The following TTI1 variants were observed in gnomAD, a reference collection of about 807,000 sequenced individuals.
The protein encoded by TTI1 is TELO2 interacting protein 1.
Under a neutral mutation model 85.4 loss-of-function variants are expected in TTI1, and 52 were observed. The observed-to-expected ratio is 0.61, with a 90% CI of 0.49 to 0.77. The LOEUF (loss-of-function observed/expected upper bound fraction) is 0.77. Among genes scored for constraint, TTI1 ranks in the 30% least tolerant of loss-of-function variants. The pLI is 0.00. For missense variants in TTI1, 1,173 were observed against 1,296.0 expected (o/e 0.91, Z 1.46); for synonymous variants, 512 against 503.9 (o/e 1.02, Z -0.22).
At chr20:38,024,983 C>T (rs528132604) in intron 1 of TTI1, among the ~76,000 whole-genome samples, 38 of 152,264 alleles carry the variant, frequency 2.5e-4, no homozygotes, top group African/African-American at 9.1e-4. Flanking sequence ...GACTGCCACA[C>T]CCACCCAGCA....
chr20:37,999,045 G>T, intron 5 of TTI1, 143 bp downstream of exon 5: 2 of 1,001,698 alleles, frequency 2.0e-6, no homozygotes, highest in Non-Finnish European at 2.6e-6. Flanking sequence ...TTTCTTCTTT[G>T]TGCTTTTCTT....
At chr20:37,985,179 C>T (rs1377643579) in intron 7 of TTI1, among the ~76,000 whole-genome samples, 1 of 152,210 alleles carries the variant, frequency 6.6e-6, no homozygotes, top group African/African-American at 2.4e-5. Flanking sequence ...GTACTTCACT[C>T]AGGGTTTTGC....
chr20:38,012,946 T>C lies in TTI1; in HGVS notation c.871A>G (p.Ile291Val). The change falls in exon 2 of 8, where the codon ATT becomes GTT. Residue 291 changes from isoleucine to valine, a missense_variant. Coordinates refer to ENST00000373447, the MANE Select transcript of TTI1 (RefSeq NM_001303457.2). Reference sequence around the variant, plus strand: ...GAAACACACTCAATTATCTTTTTAATAAGGATAGTCAACTTGTCGCCAGTC... The same window carrying C: ...GAAACACACTCAATTATCTTTTTAACAAGGATAGTCAACTTGTCGCCAGTC... ...KKTGDKLTILIKKIIECVSVH... is the reference protein window; with the variant it reads ...KKTGDKLTILVKKIIECVSVH... 1 of 1,614,204 alleles carries C rather than the reference T, an allele frequency of 6.2e-7. No individual in the cohort carries two copies. The highest frequency in any genetic ancestry group is 1.1e-5 in the South Asian group (1 of 91,084).
At position 38,013,091 on chromosome 20, in the gene TTI1, T is replaced by G. The variant is rs762243769; in HGVS notation, c.726A>C (p.Thr242=). The change falls in exon 2 of 8, where the codon ACA becomes ACC. Residue 242 remains threonine, a synonymous_variant. Transcript: ENST00000373447. ...VVSSLKIFYK[T]VSFIMADEQL... is the part of the protein sequence containing the mutation. ...GTTCATCAGCCATAATGAAGCTCAC[T>G]GTCTTGTAAAAGATCTTTAGGGAAG... 3.1e-6 allele frequency: 5 copies of G among 1,614,104 alleles called. No homozygotes were observed. In the South Asian group the frequency reaches 5.5e-5, roughly 18 times the overall value.
chr20:38,032,535 G>C (rs891790006), intron 1 of TTI1, among the ~76,000 whole-genome samples: 14 of 152,062 alleles, frequency 9.2e-5, no homozygotes, highest in Non-Finnish European at 1.8e-4. Context: ...TTTGATACCT[G>C]GGATTTAAAA....
chr20:38,030,119 AACC>A (rs982371509), intron 1 of TTI1, among the ~76,000 whole-genome samples: 3 of 152,222 alleles, frequency 2.0e-5, no homozygotes, highest in African/African-American at 7.2e-5. Flanking sequence ...CAAAAAACAC[AACC>A]ACAATAGGAA....
At chr20:38,023,900 G>GTA (rs1437079778) in intron 1 of TTI1, among the ~76,000 whole-genome samples, 1 of 152,184 alleles carries the variant, frequency 6.6e-6, no homozygotes, top group Non-Finnish European at 1.5e-5. Context: ...TAAGGGAAGT[G>GTA]TACTGCAGAA....
At chr20:38,022,944 T>C (rs1304937264) in intron 1 of TTI1, among the ~76,000 whole-genome samples, 1 of 152,162 alleles carries the variant, frequency 6.6e-6, no homozygotes, top group Non-Finnish European at 1.5e-5. Flanking sequence ...CAATATAAAA[T>C]AAACTTATGG....
chr20:38,014,244 T>A (rs1456083839), intron 1 of TTI1, among the ~76,000 whole-genome samples: 3 of 152,232 alleles, frequency 2.0e-5, no homozygotes, highest in Non-Finnish European at 4.4e-5. Context: ...TTTCATCTTT[T>A]TAAAACTGAG....
chr20:38,013,003 T>C lies in TTI1; in HGVS notation c.814A>G (p.Met272Val). The C allele has an allele frequency of 6.2e-7, 1 of 1,614,022 alleles. No homozygotes were observed. Among genetic ancestry groups the C allele is most frequent in the East Asian group, 2.2e-5 (1 of 44,886 alleles). The stretch of plus-strand genomic sequence containing the variant: ...ACCCAATCTGCTTCCCTGTAAACCA[T>C]CAGCTCTGCTACTCTGTGCTCAACT... ...PAVEHRVAEL[M>V]VYREADWVKK... The change falls in exon 2 of 8, where the codon ATG (methionine) becomes GTG (valine). Residue 272 changes from methionine (M) to valine (V), a missense_variant. Coordinates refer to ENST00000373447, the MANE Select transcript of TTI1 (RefSeq NM_001303457.2).
intron 7 of TTI1, among the ~76,000 whole-genome samples, chr20:37,986,125 G>A (rs1426294573): frequency 6.6e-6 from 1 of 152,216 alleles, no homozygotes; most frequent in African/African-American, 2.4e-5. Flanking sequence ...GCCAAAGACT[G>A]TTAGAATGCA....
Position 38,004,474 on chromosome 20 carries a change from T to C in TTI1, c.2504-1698A>G, listed in dbSNP as rs150510706. On this transcript the variant is annotated intron_variant, in intron 3 of 7. Coordinates refer to ENST00000373447, the MANE Select transcript of TTI1 (RefSeq NM_001303457.2). ...AAATTAAAATGCATTTGTAGAATGC[T>C]TGGATTTCTTGGAGAAAGGGACCTC... Among the ~76,000 whole-genome samples, 654 of 152,346 alleles carry C rather than the reference T, an allele frequency of 4.3e-3. 3 individuals are homozygous for C. The highest frequency in any genetic ancestry group is 0.041 in the South Asian group (198 of 4,822).
intron 2 of TTI1, among the ~76,000 whole-genome samples, chr20:38,007,475 C>G (rs1486423674): frequency 6.6e-6 from 1 of 152,124 alleles, no homozygotes; most frequent in Non-Finnish European, 1.5e-5. Context: ...GGGCTACAGG[C>G]ATGGGTTCCA....
chr20:38,010,028 G>A (rs1349145767), intron 2 of TTI1, among the ~76,000 whole-genome samples: 1 of 152,158 alleles, frequency 6.6e-6, no homozygotes, highest in Non-Finnish European at 1.5e-5. Context: ...CATCTCTCTT[G>A]CAGTGGCAGG....
intron 1 of TTI1, among the ~76,000 whole-genome samples, chr20:38,026,030 CT>C (rs1378215413): frequency 3.3e-5 from 5 of 152,294 alleles, no homozygotes; most frequent in African/African-American, 1.2e-4. Flanking sequence ...AGACATAAAT[CT>C]ATATATCAAG....
At chr20:37,989,729 A>G (rs1455598350) in intron 7 of TTI1, among the ~76,000 whole-genome samples, 1 of 152,196 alleles carries the variant, frequency 6.6e-6, no homozygotes, top group Non-Finnish European at 1.5e-5. Context: ...GAAGGTATGT[A>G]CCCTTGAAGA....
intron 1 of TTI1, among the ~76,000 whole-genome samples, chr20:38,019,764 G>A (rs184668125): frequency 1.3e-5 from 2 of 152,362 alleles, no homozygotes; most frequent in African/African-American, 2.4e-5. Flanking sequence ...CATTTTGGGT[G>A]GGATAATTAC....
intron 1 of TTI1, among the ~76,000 whole-genome samples, chr20:38,030,816 C>G (rs1159095386): frequency 2.6e-5 from 4 of 152,208 alleles, no homozygotes; most frequent in Non-Finnish European, 4.4e-5. Flanking sequence ...GACCCATAAA[C>G]CCAACTGCCC....
chr20:37,996,368 G>T lies in TTI1; in HGVS notation c.3086+7C>A. 6.2e-7 allele frequency: 1 copy of T among 1,614,100 alleles called. No individual in the cohort carries two copies. The highest frequency in any genetic ancestry group is 1.1e-5 in the South Asian group (1 of 91,076). On this transcript the variant is annotated splice_region_variant and intron_variant, in intron 7 of 7. Transcript: ENST00000373447. ...GTAAAGGGATGCGGGTGATCAGGCA[G>T]ACGTACCTCCTGGCAGCCTCTTGTA...
Sources: allele counts gnomAD v4.1 joint callset (sites outside exome capture counted in the v4.1 genomes callset), GRCh38; gene constraint gnomAD v4.1.1; transcripts MANE v1.5; gene names NCBI Gene and HGNC (gene_info 2026-07-23, HGNC 2026-07-21).